The following ANTXR2 variants were observed in gnomAD, a reference collection of about 807,000 sequenced individuals.
The protein encoded by ANTXR2 is ANTXR cell adhesion molecule 2.
ANTXR2 carries 44 observed loss-of-function variants against 73.7 expected under a neutral mutation model. The observed-to-expected ratio is 0.60, with a 90% CI of 0.47 to 0.77. ANTXR2 has a LOEUF of 0.77. ANTXR2 is among the 30% of genes least tolerant of loss of function. The pLI is 0.00. For missense variants in ANTXR2, 604 were observed against 592.5 expected (o/e 1.02, Z -0.20); for synonymous variants, 217 against 205.9 (o/e 1.05, Z -0.46).
chr4:79,954,597 C>G (rs1560901068), intron 16 of ANTXR2, among the ~76,000 whole-genome samples: 1 of 151,956 alleles, frequency 6.6e-6, no homozygotes, highest in Non-Finnish European at 1.5e-5. Flanking sequence ...CAGATGAGAG[C>G]AAGACCCCAG....
chr4:80,055,976 C>T lies in ANTXR2; in HGVS notation c.334G>A (p.Val112Ile). 2 of 1,571,106 alleles carry T rather than the reference C, an allele frequency of 1.3e-6. No homozygotes were observed. Among genetic ancestry groups the T allele is most frequent in the Non-Finnish European group, 1.7e-6 (2 of 1,158,536 alleles). Residue 112 changes from valine (V) to isoleucine (I), a missense_variant, in exon 4 of 17, where the codon GTT becomes ATT. Coordinates refer to ENST00000403729, the MANE Select transcript of ANTXR2 (RefSeq NM_058172.6). ...ATATATGTCTCTCCTACTGGACTAA[C>T]ACGTTTTAAATCCTCCAAGCCTTTA... ...ISKGLEDLKR[V>I]SPVGETYIHE...
chr4:79,903,993 C>T lies in ANTXR2; in HGVS notation c.*3436G>A. The stretch of plus-strand genomic sequence containing the variant: ...ATGGAGTAGGAAGTTATAATTCCTT[C>T]TACTTGTAAATGTGACCTAATTACA... On this transcript the variant is annotated 3_prime_UTR_variant, in exon 17 of 17. Transcript: ENST00000403729. The T allele has an allele frequency of 6.6e-6, 1 of 152,250 alleles. No individual in the cohort carries two copies. 9.4% of individuals were successfully genotyped at this position (152,250 alleles called of 1,614,324 possible). A position where few individuals can be genotyped will look rare whatever the true frequency, so the allele number is the denominator to read the frequency against.
chr4:80,010,818 T>C lies in ANTXR2; in HGVS notation c.946-2202A>G, dbSNP rs143535109. On this transcript the variant is annotated intron_variant, in intron 11 of 16. Transcript: ENST00000403729. ...ACAAATATAATTTATTATTACAATATTATCATATCGACTGATTGCAAAGAT... is the reference window on the plus strand; with the variant it reads ...ACAAATATAATTTATTATTACAATACTATCATATCGACTGATTGCAAAGAT... 4.3e-3 allele frequency among the ~76,000 whole-genome samples: 652 copies of C among 152,252 alleles called. 4 individuals carry two copies. The highest frequency in any genetic ancestry group is 7.3e-3 in the Non-Finnish European group (499 of 67,998).
chr4:80,009,857 AAAAG>A lies in ANTXR2; in HGVS notation c.946-1245_946-1242del, dbSNP rs529194165. Among the ~76,000 whole-genome samples, 1,085 of 151,280 alleles carry A rather than the reference AAAAG, an allele frequency of 7.2e-3. 7 individuals carry two copies. Among genetic ancestry groups the A allele is most frequent in the Admixed American group, 0.012 (185 of 15,210 alleles). On this transcript the variant is annotated intron_variant, in intron 11 of 16. Coordinates refer to ENST00000403729, the MANE Select transcript of ANTXR2 (RefSeq NM_058172.6). ...GTGAGACTCCATCTCAAAAAAAAAA[AAAAG>A]AAAGAAAGAAAGAAAAAACTACTTA...
intron 12 of ANTXR2, among the ~76,000 whole-genome samples, chr4:80,002,729 C>A (rs1731107865): frequency 6.6e-6 from 1 of 151,986 alleles, no homozygotes; most frequent in Admixed American, 6.6e-5. Flanking sequence ...AAACCAACAA[C>A]CCTATCAAAA....
chr4:80,024,708 G>A (rs1469284148), intron 10 of ANTXR2: 1 of 453,664 alleles, frequency 2.2e-6, no homozygotes, highest in Non-Finnish European at 4.4e-6. Flanking sequence ...AGTACAGTGA[G>A]TCAGATCATG....
intron 7 of ANTXR2, among the ~76,000 whole-genome samples, chr4:80,048,541 G>A (rs1202809451): frequency 1.3e-5 from 2 of 151,646 alleles, no homozygotes; most frequent in Non-Finnish European, 3.0e-5. Context: ...TCAGGCTTCA[G>A]GTTTTTCATC....
At chr4:80,064,437 C>T (rs1396958593) in intron 3 of ANTXR2, among the ~76,000 whole-genome samples, 1 of 152,172 alleles carries the variant, frequency 6.6e-6, no homozygotes, top group African/African-American at 2.4e-5. Context: ...ATTTATTGAG[C>T]ATCTACTGAG....
chr4:80,022,146 T>C (rs1202383238), intron 10 of ANTXR2, among the ~76,000 whole-genome samples: 2 of 152,214 alleles, frequency 1.3e-5, no homozygotes. Flanking sequence ...TATTTTAGCA[T>C]CTTATATTTA....
chr4:80,003,305 G>T (rs1293838798), intron 12 of ANTXR2, among the ~76,000 whole-genome samples: 1 of 147,628 alleles, frequency 6.8e-6, no homozygotes, highest in South Asian at 2.2e-4. Flanking sequence ...GTAAACTATC[G>T]CAAGAACAAA....
Position 79,902,890 on chromosome 4 carries a change from C to G in ANTXR2, c.*4539G>C, listed in dbSNP as rs952903071. ...CAGAGGCCTGGTGCAGTAGCTTGTGCCTGTAATCACAGCATTTGGGAGACT... is the reference window on the plus strand; with the variant it reads ...CAGAGGCCTGGTGCAGTAGCTTGTGGCTGTAATCACAGCATTTGGGAGACT... On this transcript the variant is annotated 3_prime_UTR_variant, in exon 17 of 17. Coordinates refer to ENST00000403729, the MANE Select transcript of ANTXR2 (RefSeq NM_058172.6). The G allele has an allele frequency of 2.2e-4, 33 of 151,978 alleles. No individual in the cohort carries two copies. Among genetic ancestry groups the G allele is most frequent in the African/African-American group, 7.2e-4 (30 of 41,390 alleles). 9.4% of individuals were successfully genotyped at this position (151,978 alleles called of 1,614,324 possible).
intron 3 of ANTXR2, among the ~76,000 whole-genome samples, chr4:80,062,916 G>T (rs1214528084): frequency 6.6e-6 from 1 of 152,006 alleles, no homozygotes; most frequent in Non-Finnish European, 1.5e-5. Flanking sequence ...AATAAGGATG[G>T]TGTCCACTGA....
chr4:79,984,751 A>T, intron 13 of ANTXR2, 68 bp downstream of exon 13: 1 of 1,337,678 alleles, frequency 7.5e-7, no homozygotes, highest in Non-Finnish European at 1.1e-6. Context: ...AAATTGATTA[A>T]ATTTGGGCAT....
intron 7 of ANTXR2, among the ~76,000 whole-genome samples, chr4:80,039,267 A>G (rs183401566): frequency 1.3e-5 from 2 of 152,256 alleles, no homozygotes; most frequent in Admixed American, 1.3e-4. Flanking sequence ...ATTTTTAGAA[A>G]ATAAAATTTG....
intron 3 of ANTXR2, among the ~76,000 whole-genome samples, chr4:80,065,493 G>T (rs1734454391): frequency 6.6e-6 from 1 of 152,134 alleles, no homozygotes; most frequent in South Asian, 2.1e-4. Context: ...GGTAGGTGGA[G>T]GAATGGACTA....
intron 10 of ANTXR2, among the ~76,000 whole-genome samples, chr4:80,030,970 C>T (rs909227538): frequency 1.3e-5 from 2 of 151,886 alleles, no homozygotes; most frequent in African/African-American, 2.4e-5. Context: ...AATGGGAACA[C>T]TAAATTATCA....
At chr4:80,052,346 G>T (rs1391388791) in intron 7 of ANTXR2, among the ~76,000 whole-genome samples, 1 of 151,622 alleles carries the variant, frequency 6.6e-6, no homozygotes, top group African/African-American at 2.4e-5. Flanking sequence ...TATAGGTTTT[G>T]TATACTATGA....
At chr4:79,995,775 T>C (rs1730695337) in intron 12 of ANTXR2, among the ~76,000 whole-genome samples, 1 of 151,962 alleles carries the variant, frequency 6.6e-6, no homozygotes, top group Non-Finnish European at 1.5e-5. Flanking sequence ...ACATTTAAAA[T>C]GAATTAAAGT....
intron 11 of ANTXR2, among the ~76,000 whole-genome samples, chr4:80,011,008 A>G (rs1023972409): frequency 1.1e-4 from 17 of 151,878 alleles, no homozygotes; most frequent in African/African-American, 3.9e-4. Context: ...TCAGCCAGGC[A>G]TGGTGGTGGG....
Sources: gnomAD v4.1 joint callset for allele counts (sites outside exome capture counted in the v4.1 genomes callset) on GRCh38, gnomAD v4.1.1 for gene constraint, MANE v1.5 for transcripts, NCBI Gene and HGNC (gene_info 2026-07-23, HGNC 2026-07-21) for gene names.